Variants in SLC7A11 observed in about 807,000 individuals in gnomAD.
SLC7A11 encodes solute carrier family 7 member 11.
Under a neutral mutation model 54.5 loss-of-function variants are expected in SLC7A11, and 35 were observed. The ratio of observed to expected loss-of-function variants is 0.64; its 90% CI spans 0.49 to 0.85. The LOEUF is 0.85. SLC7A11 is among the 40% of genes least tolerant of loss of function. SLC7A11 has a pLI of 0.00. For synonymous variants in SLC7A11, 230 were observed against 225.2 expected (o/e 1.02, Z -0.19); for missense variants, 583 against 618.1 (o/e 0.94, Z 0.60).
rs1193224318 is a variant in SLC7A11 at position 138,165,918 on chromosome 4, A to G, written c.*6038T>C. 6.6e-6 allele frequency: 1 copy of G among 152,184 alleles called. No homozygotes were observed. The highest frequency in any genetic ancestry group is 1.5e-5 in the Non-Finnish European group (1 of 68,024). The allele number at this position is 152,184 out of a possible 1,614,324, so 9.4% of individuals were successfully genotyped here. The stretch of plus-strand genomic sequence containing the variant: ...TTGGAGAATTCTGGTTGTTTGTGCA[A>G]TAATCATAGTGATTTACATTGCTTT... On this transcript the variant is annotated 3_prime_UTR_variant, in exon 12 of 12. Coordinates refer to ENST00000280612, the MANE Select transcript of SLC7A11 (RefSeq NM_014331.4).
At position 138,164,657 on chromosome 4, in the gene SLC7A11, G is replaced by T. The variant is rs923846920; in HGVS notation, c.*7299C>A. 1 of 152,032 alleles carries T rather than the reference G, an allele frequency of 6.6e-6. No homozygotes were observed. Among genetic ancestry groups the T allele is most frequent in the Non-Finnish European group, 1.5e-5 (1 of 67,966 alleles). The allele number at this position is 152,032 out of a possible 1,614,324, so 9.4% of individuals were successfully genotyped here. ...CAATGTAAGACATTGTATTAAATTT[G>T]TATAAAATACACACAATCCCCTCTA... On this transcript the variant is annotated 3_prime_UTR_variant, in exon 12 of 12. Transcript: ENST00000280612.
chr4:138,192,421 G>A (rs941356771), intron 6 of SLC7A11, among the ~76,000 whole-genome samples: 7 of 152,056 alleles, frequency 4.6e-5, no homozygotes, highest in South Asian at 2.1e-4. Context: ...CAGAATAAAC[G>A]TGAAAGCCTA....
At chr4:138,177,361 C>A (rs1004360042) in intron 11 of SLC7A11, 7 of 152,038 alleles carry the variant, frequency 4.6e-5, no homozygotes, top group Non-Finnish European at 1.0e-4. Context: ...TCACCACATT[C>A]ACCAGCGAGA....
At chr4:138,172,039 T>C (rs1239602611) in intron 11 of SLC7A11, 22 bp from the exon 12 acceptor site, 1 of 1,570,450 alleles carries the variant, frequency 6.4e-7, no homozygotes, top group Non-Finnish European at 8.6e-7. Flanking sequence ...TAAAAATGAA[T>C]TAAAAATGCA....
At chr4:138,184,973 T>A in intron 7 of SLC7A11, 148 bp downstream of exon 7, 1 of 758,130 alleles carries the variant, frequency 1.3e-6, no homozygotes, top group Non-Finnish European at 2.2e-6. Context: ...TGCTAAGGTA[T>A]GCTCTAAATT....
chr4:138,183,164 A>G, intron 8 of SLC7A11, 38 bp downstream of exon 8: 1 of 1,415,838 alleles, frequency 7.1e-7, no homozygotes, highest in Non-Finnish European at 9.9e-7. Context: ...AATCTCAAAA[A>G]CAGAAATGTG....
chr4:138,196,270 A>G (rs1237987002), intron 6 of SLC7A11, among the ~76,000 whole-genome samples: 6 of 152,288 alleles, frequency 3.9e-5, no homozygotes, highest in Admixed American at 3.3e-4. Context: ...CGAAAACAGC[A>G]TGGTGTGATC....
At chr4:138,215,333 G>A (rs1737655558) in intron 5 of SLC7A11, among the ~76,000 whole-genome samples, 1 of 151,940 alleles carries the variant, frequency 6.6e-6, no homozygotes, top group Non-Finnish European at 1.5e-5. Context: ...AGATTCATAG[G>A]TACAAATTCT....
chr4:138,180,491 C>A, intron 10 of SLC7A11, 150 bp downstream of exon 10: 4 of 673,882 alleles, frequency 5.9e-6, no homozygotes, highest in African/African-American at 1.9e-5. Context: ...AAAATAAATC[C>A]AACAGGAAAG....
chr4:138,225,027 T>C (rs189678342), intron 3 of SLC7A11, among the ~76,000 whole-genome samples: 181 of 150,780 alleles, frequency 1.2e-3, no homozygotes, highest in African/African-American at 4.3e-3. Flanking sequence ...TACTGAATTG[T>C]ATACTTGAAA....
rs929237787 is a variant in SLC7A11, at chr4:138,219,071, G to C, written c.746+195C>G. Reference sequence around the variant, plus strand: ...TAGCAGTCACCTTGACTGGAAACCTGTTATGTTTAGTTGTCATGTGCAAAG... The same window carrying C: ...TAGCAGTCACCTTGACTGGAAACCTCTTATGTTTAGTTGTCATGTGCAAAG... On this transcript the variant is annotated intron_variant, in intron 5 of 11. Transcript: ENST00000280612. Among the ~76,000 whole-genome samples the C allele has an allele frequency of 2.6e-5, 4 of 152,156 alleles. No homozygotes were observed. In the East Asian group the frequency reaches 7.7e-4, roughly 29 times the overall value.
chr4:138,164,166 T>C lies in SLC7A11; in HGVS notation c.*7790A>G, dbSNP rs1446204747. 1 of 152,558 alleles carries C rather than the reference T, an allele frequency of 6.6e-6. No individual in the cohort carries two copies. The highest frequency in any genetic ancestry group is 1.5e-5 in the Non-Finnish European group (1 of 68,000). 9.5% of individuals were successfully genotyped at this position (152,558 alleles called of 1,614,324 possible). ...TTTTCAAGTAAAATATGTACAAAAA[T>C]GGTTATAAAATGGTTGAAGCAACTA... On this transcript the variant is annotated 3_prime_UTR_variant, in exon 12 of 12. Coordinates refer to ENST00000280612, the MANE Select transcript of SLC7A11 (RefSeq NM_014331.4).
At position 138,169,100 on chromosome 4, in the gene SLC7A11, A is replaced by G. The variant is rs1736343000; in HGVS notation, c.*2856T>C. ...CATTACTTTTACTGTTTATGTTATAATAAACTTATGTATATAAACATTTGA... is the reference window on the plus strand; with the variant it reads ...CATTACTTTTACTGTTTATGTTATAGTAAACTTATGTATATAAACATTTGA... On this transcript the variant is annotated 3_prime_UTR_variant, in exon 12 of 12. Transcript: ENST00000280612. 2 of 152,172 alleles carry G rather than the reference A, an allele frequency of 1.3e-5. No homozygotes were observed. Among genetic ancestry groups the G allele is most frequent in the African/African-American group, 4.8e-5 (2 of 41,464 alleles). The allele number at this position is 152,172 out of a possible 1,614,324, so 9.4% of individuals were successfully genotyped here.
chr4:138,207,297 A>G (rs1737432705), intron 6 of SLC7A11, among the ~76,000 whole-genome samples: 1 of 152,138 alleles, frequency 6.6e-6, no homozygotes, highest in Admixed American at 6.6e-5. Context: ...ATTACAAAAT[A>G]CAATATTGCT....
At chr4:138,199,332 G>T (rs1027706238) in intron 6 of SLC7A11, among the ~76,000 whole-genome samples, 3 of 151,982 alleles carry the variant, frequency 2.0e-5, no homozygotes, top group African/African-American at 7.3e-5. Context: ...ATTATTAAAA[G>T]AAAGGAGGAA....
intron 5 of SLC7A11, among the ~76,000 whole-genome samples, chr4:138,215,495 G>T (rs1260316818): frequency 1.3e-5 from 2 of 152,074 alleles, no homozygotes; most frequent in Non-Finnish European, 2.9e-5. Flanking sequence ...GATGTTCAAG[G>T]TTAAAGTGTC....
chr4:138,191,380 T>C (rs1198473931), intron 6 of SLC7A11, among the ~76,000 whole-genome samples: 1 of 152,062 alleles, frequency 6.6e-6, no homozygotes, highest in Non-Finnish European at 1.5e-5. Context: ...TGTCCACAGA[T>C]GAAGAACTCC....
At chr4:138,225,998 T>A (rs1737939730) in intron 3 of SLC7A11, among the ~76,000 whole-genome samples, 1 of 152,112 alleles carries the variant, frequency 6.6e-6, no homozygotes, top group African/African-American at 2.4e-5. Flanking sequence ...TTTTGTTACT[T>A]TCATAAAGAG....
At chr4:138,179,155 A>G in intron 11 of SLC7A11, 62 bp downstream of exon 11, 2 of 1,139,270 alleles carry the variant, frequency 1.8e-6, no homozygotes, top group Non-Finnish European at 2.6e-6. Flanking sequence ...TTATGTATGC[A>G]CACCTTTATG....
Sources: gnomAD v4.1 joint callset for allele counts (sites outside exome capture counted in the v4.1 genomes callset) on GRCh38, gnomAD v4.1.1 for gene constraint, MANE v1.5 for transcripts, NCBI Gene and HGNC (gene_info 2026-07-23, HGNC 2026-07-21) for gene names.